The following AKAP19 variants were observed in gnomAD, a reference collection of about 807,000 sequenced individuals.
AKAP19 encodes A-kinase anchoring protein 19.
At chr2:190,142,042 G>A in the AKAP19 span, among the ~76,000 whole-genome samples, 2,697 of 152,276 alleles carry the variant, frequency 0.018, 43 homozygotes, top group Middle Eastern at 0.041. Context: ...TCAAAAATGA[G>A]TTAGTATGAA....
chr2:189,901,372 T>C, the AKAP19 span, among the ~76,000 whole-genome samples: 5 of 152,184 alleles, frequency 3.3e-5, no homozygotes, highest in Non-Finnish European at 7.3e-5. Context: ...AGAGTCTCAC[T>C]CACTTGCCCA....
chr2:190,139,018 A>C, the AKAP19 span, among the ~76,000 whole-genome samples: 1 of 23,910 alleles, frequency 4.2e-5, no homozygotes, highest in Admixed American at 6.7e-4. Context: ...GTGGATTACT[A>C]TGTGCTAGGC....
chr2:190,066,040 C>T, the AKAP19 span, among the ~76,000 whole-genome samples: 2 of 152,066 alleles, frequency 1.3e-5, no homozygotes, highest in African/African-American at 4.8e-5. Context: ...AAGAATTCCT[C>T]CTAGTTAACT....
the AKAP19 span, among the ~76,000 whole-genome samples, chr2:190,094,954 G>T: frequency 6.6e-6 from 1 of 152,272 alleles, no homozygotes; most frequent in African/African-American, 2.4e-5. Context: ...GCCGGGCGCG[G>T]TGGCTCACGC....
the AKAP19 span, among the ~76,000 whole-genome samples, chr2:190,095,073 A>AT: frequency 6.6e-6 from 1 of 152,170 alleles, no homozygotes; most frequent in Non-Finnish European, 1.5e-5. Flanking sequence ...AAATACAAAA[A>AT]TTAGCCGGGT....
chr2:189,894,439 A>G, the AKAP19 span, among the ~76,000 whole-genome samples: 5 of 152,252 alleles, frequency 3.3e-5, 1 homozygote, highest in South Asian at 8.3e-4. Flanking sequence ...GGCATCCTCA[A>G]ATAAAATCTT....
chr2:190,127,625 G>A, the AKAP19 span, among the ~76,000 whole-genome samples: 1 of 152,270 alleles, frequency 6.6e-6, no homozygotes, highest in East Asian at 1.9e-4. Flanking sequence ...ATTAGAACAT[G>A]AATAATGTGT....
At chr2:190,116,927 C>CT in the AKAP19 span, among the ~76,000 whole-genome samples, 1 of 152,182 alleles carries the variant, frequency 6.6e-6, no homozygotes, top group Non-Finnish European at 1.5e-5. Flanking sequence ...ATAGATCCAG[C>CT]TGAAGAGAGG....
chr2:190,008,272 G>A, the AKAP19 span, among the ~76,000 whole-genome samples: 1 of 152,018 alleles, frequency 6.6e-6, no homozygotes, highest in East Asian at 1.9e-4. Flanking sequence ...TAAATATAAT[G>A]AATTATTTAT....
chr2:190,062,553 A>G, the AKAP19 span: 1 of 1,613,046 alleles, frequency 6.2e-7, no homozygotes, highest in Middle Eastern at 1.7e-4. Context: ...AGCAACAATC[A>G]GCATAAACAG....
the AKAP19 span, among the ~76,000 whole-genome samples, chr2:189,901,157 T>C: frequency 6.6e-6 from 1 of 152,180 alleles, no homozygotes; most frequent in East Asian, 1.9e-4. Context: ...AAATTACTAA[T>C]TTATTATGTG....
chr2:190,164,222 A>G, the AKAP19 span, among the ~76,000 whole-genome samples: 6 of 152,258 alleles, frequency 3.9e-5, no homozygotes, highest in Non-Finnish European at 8.8e-5. Context: ...TTATTACAGT[A>G]TGATAAAAGT....
chr2:190,063,538 G>T, the AKAP19 span, among the ~76,000 whole-genome samples: 1 of 152,036 alleles, frequency 6.6e-6, no homozygotes, highest in Non-Finnish European at 1.5e-5. Context: ...TTTATAACTG[G>T]CATGGCAGAG....
the AKAP19 span, among the ~76,000 whole-genome samples, chr2:190,103,746 A>G: frequency 6.6e-6 from 1 of 152,270 alleles, no homozygotes; most frequent in South Asian, 2.1e-4. Flanking sequence ...AAATACTATT[A>G]AAATGGCCAC....
chr2:190,002,166 A>G, the AKAP19 span, among the ~76,000 whole-genome samples: 1 of 152,200 alleles, frequency 6.6e-6, no homozygotes, highest in South Asian at 2.1e-4. Context: ...GTTTAGCAAT[A>G]TTTCATATAT....
the AKAP19 span, among the ~76,000 whole-genome samples, chr2:190,074,368 A>T: frequency 6.6e-6 from 1 of 152,000 alleles, no homozygotes; most frequent in East Asian, 1.9e-4. Context: ...AAATAGAGAA[A>T]AGGCCAGGTG....
At chr2:189,899,811 T>A in the AKAP19 span, among the ~76,000 whole-genome samples, 1 of 143,082 alleles carries the variant, frequency 7.0e-6, no homozygotes, top group East Asian at 2.0e-4. Flanking sequence ...TCTTTACTTT[T>A]TACCTACTAT....
chr2:190,016,306 C>A, the AKAP19 span, among the ~76,000 whole-genome samples: 1 of 152,200 alleles, frequency 6.6e-6, no homozygotes, highest in Non-Finnish European at 1.5e-5. Flanking sequence ...AACTTACAAT[C>A]ATGGCAGAAG....
the AKAP19 span, among the ~76,000 whole-genome samples, chr2:189,908,369 G>A: frequency 6.6e-6 from 1 of 151,812 alleles, no homozygotes; most frequent in African/African-American, 2.4e-5. Context: ...AATTCTTTTT[G>A]TACTTTTAGT....
Sources: gnomAD v4.1 joint callset for allele counts (sites outside exome capture counted in the v4.1 genomes callset) on GRCh38, gnomAD v4.1.1 for gene constraint, MANE v1.5 for transcripts, NCBI Gene and HGNC (gene_info 2026-07-23, HGNC 2026-07-21) for gene names.